IMMP2L: variants seen among roughly 807,000 people sequenced by gnomAD.
IMMP2L encodes the protein inner mitochondrial membrane peptidase subunit 2.
Under a neutral mutation model 19.3 loss-of-function variants are expected in IMMP2L, and 18 were observed. The ratio of observed to expected loss-of-function variants is 0.93; its 90% CI spans 0.64 to 1.38. IMMP2L has a LOEUF of 1.38. Ranked by LOEUF, IMMP2L falls within the 40% of genes most tolerant of loss-of-function variation. The probability of loss-of-function intolerance (pLI) is 0.00; values close to 1 mark genes in which losing one functional copy is unlikely to be tolerated. For synonymous variants in IMMP2L, 76 were observed against 73.0 expected (o/e 1.04, Z -0.21); for missense variants, 233 against 218.2 (o/e 1.07, Z -0.43).
intron 3 of IMMP2L, among the ~76,000 whole-genome samples, chr7:111,203,332 G>A (rs1015397765): frequency 6.6e-6 from 1 of 151,796 alleles, no homozygotes. Context: ...TTCTCATGGA[G>A]TTTTTATTCT....
At chr7:111,075,287 C>T (rs933179480) in intron 3 of IMMP2L, among the ~76,000 whole-genome samples, 2 of 152,004 alleles carry the variant, frequency 1.3e-5, no homozygotes, top group Admixed American at 6.5e-5. Flanking sequence ...CAACCATGCA[C>T]TGCTAATTTT....
intron 5 of IMMP2L, among the ~76,000 whole-genome samples, chr7:110,688,175 G>T (rs1170932799): frequency 1.3e-5 from 2 of 151,944 alleles, no homozygotes; most frequent in Non-Finnish European, 2.9e-5. Context: ...ATGTGAATTG[G>T]ACACAAACCG....
chr7:110,798,812 G>GT (rs1562982697), intron 5 of IMMP2L, among the ~76,000 whole-genome samples: 2 of 151,710 alleles, frequency 1.3e-5, no homozygotes, highest in Admixed American at 6.6e-5. Flanking sequence ...ACAAACAGAC[G>GT]TTTTTTATCT....
intron 3 of IMMP2L, among the ~76,000 whole-genome samples, chr7:111,047,186 G>T (rs1230483289): frequency 6.0e-5 from 9 of 149,976 alleles, no homozygotes; most frequent in African/African-American, 2.0e-4. Context: ...TTTTTTTTTT[G>T]TTTTTTTTTT....
Position 111,032,519 on chromosome 7 carries a change from G to A in IMMP2L, c.240-68954C>T, listed in dbSNP as rs181138206. 6.8e-3 allele frequency among the ~76,000 whole-genome samples: 1,030 copies of A among 152,226 alleles called. 3 individuals carry two copies. Among genetic ancestry groups the A allele is most frequent in the Non-Finnish European group, 0.011 (756 of 68,004 alleles). On this transcript the variant is annotated intron_variant, in intron 3 of 5. Coordinates refer to ENST00000405709, the MANE Select transcript of IMMP2L (RefSeq NM_032549.4). Reference sequence around the variant, plus strand: ...AATTTAACAATAAGGAAACAATCCAGTTAAAAAATGGGCAAAACAGGGCAG... The same window carrying A: ...AATTTAACAATAAGGAAACAATCCAATTAAAAAATGGGCAAAACAGGGCAG...
intron 5 of IMMP2L, among the ~76,000 whole-genome samples, chr7:110,886,109 A>G (rs1490519573): frequency 1.3e-5 from 2 of 152,028 alleles, no homozygotes; most frequent in African/African-American, 4.8e-5. Flanking sequence ...ATGTCAAATT[A>G]ATTCTCAGGC....
At chr7:111,401,176 A>G (rs1833393214) in intron 3 of IMMP2L, among the ~76,000 whole-genome samples, 2 of 152,138 alleles carry the variant, frequency 1.3e-5, no homozygotes, top group African/African-American at 2.4e-5. Flanking sequence ...ATGCAATCCA[A>G]TAAGTTATAA....
intron 3 of IMMP2L, among the ~76,000 whole-genome samples, chr7:111,231,039 T>C (rs1375451263): frequency 2.0e-5 from 3 of 151,492 alleles, no homozygotes; most frequent in Admixed American, 6.6e-5. Context: ...TGTGTGTGTG[T>C]GTGTGTGTGT....
intron 3 of IMMP2L, among the ~76,000 whole-genome samples, chr7:110,974,601 A>C (rs1284331578): frequency 6.6e-6 from 1 of 152,040 alleles, no homozygotes; most frequent in African/African-American, 2.4e-5. Flanking sequence ...ACCCTTTATC[A>C]GTTCTTTCTC....
chr7:111,288,318 T>C (rs567751185), intron 3 of IMMP2L, among the ~76,000 whole-genome samples: 4 of 152,178 alleles, frequency 2.6e-5, no homozygotes, highest in African/African-American at 9.6e-5. Context: ...ACCTAAGACC[T>C]AAAACCATAA....
At chr7:110,810,983 G>T (rs929239529) in intron 5 of IMMP2L, among the ~76,000 whole-genome samples, 2 of 151,950 alleles carry the variant, frequency 1.3e-5, no homozygotes, top group African/African-American at 4.8e-5. Context: ...AGAACCCTGT[G>T]TACCTACCCT....
chr7:111,409,066 T>C (rs183078418), intron 3 of IMMP2L, among the ~76,000 whole-genome samples: 3 of 151,934 alleles, frequency 2.0e-5, no homozygotes, highest in East Asian at 3.9e-4. Flanking sequence ...GTCAGTTAAA[T>C]TGTTTTTATT....
chr7:110,795,018 G>A (rs1238817631), intron 5 of IMMP2L, among the ~76,000 whole-genome samples: 1 of 152,072 alleles, frequency 6.6e-6, no homozygotes, highest in Non-Finnish European at 1.5e-5. Flanking sequence ...CAGATACATG[G>A]AGGGAAACAG....
chr7:110,918,452 CTTTTTTTT>C (rs1029668134), intron 4 of IMMP2L, among the ~76,000 whole-genome samples: 3 of 130,488 alleles, frequency 2.3e-5, no homozygotes, highest in Non-Finnish European at 3.3e-5. Flanking sequence ...TTCTTTTTTT[CTTTTTTTT>C]TTTTTTTTTG....
chr7:111,399,170 C>T (rs950830128), intron 3 of IMMP2L, among the ~76,000 whole-genome samples: 1 of 152,130 alleles, frequency 6.6e-6, no homozygotes, highest in East Asian at 1.9e-4. Context: ...GCCTGCATAG[C>T]CAAAGCAAGA....
At chr7:110,860,851 T>C (rs1423776367) in intron 5 of IMMP2L, among the ~76,000 whole-genome samples, 1 of 152,092 alleles carries the variant, frequency 6.6e-6, no homozygotes, top group African/African-American at 2.4e-5. Context: ...TTTCCTTCTT[T>C]TAAAAATAAA....
At chr7:110,882,287 GCC>G in intron 5 of IMMP2L, among the ~76,000 whole-genome samples, 1 of 122,184 alleles carries the variant, frequency 8.2e-6, no homozygotes, top group Non-Finnish European at 1.7e-5. Context: ...TTTGTCAAGT[GCC>G]TTCCTTCCTT....
chr7:110,726,582 G>A (rs2130794243), intron 5 of IMMP2L, among the ~76,000 whole-genome samples: 1 of 152,302 alleles, frequency 6.6e-6, no homozygotes, highest in Admixed American at 6.5e-5. Context: ...TTAAAAAGGG[G>A]AACTTATTTG....
At chr7:111,161,987 G>A (rs969925507) in intron 3 of IMMP2L, among the ~76,000 whole-genome samples, 1 of 152,020 alleles carries the variant, frequency 6.6e-6, no homozygotes, top group Non-Finnish European at 1.5e-5. Context: ...CGTAATATGT[G>A]AGTATGTGTG....
Sources: gnomAD v4.1 joint callset for allele counts (sites outside exome capture counted in the v4.1 genomes callset) on GRCh38, gnomAD v4.1.1 for gene constraint, MANE v1.5 for transcripts, NCBI Gene and HGNC (gene_info 2026-07-23, HGNC 2026-07-21) for gene names.